The following PRKCB variants were observed in gnomAD, a reference collection of about 807,000 sequenced individuals.
PRKCB encodes the protein protein kinase C beta, also known as protein kinase C beta type.
A neutral mutation model predicts 81.5 loss-of-function variants in PRKCB; 13 were observed. The ratio of observed to expected loss-of-function variants is 0.16; its 90% CI spans 0.10 to 0.25. The LOEUF (loss-of-function observed/expected upper bound fraction) is 0.25. Ranked by LOEUF, PRKCB falls within the 10% of genes least tolerant of loss-of-function variation. The pLI is 1.00. For missense variants in PRKCB, 509 were observed against 875.7 expected (o/e 0.58, Z 5.29); for synonymous variants, 335 against 321.4 (o/e 1.04, Z -0.45).
At position 24,025,507 on chromosome 16, in the gene PRKCB, T is replaced by A. The variant is rs1368487257; in HGVS notation, c.289-6629T>A. Among the ~76,000 whole-genome samples, 10 of 152,376 alleles carry A rather than the reference T, an allele frequency of 6.6e-5. No individual in the cohort carries two copies. In the East Asian group the frequency reaches 1.7e-3, roughly 26 times the overall value. On this transcript the variant is annotated intron_variant, in intron 3 of 16. Transcript: ENST00000643927. ...TATTGAGCATCTTCTGTATGCCAAG[T>A]ACAGTTTATGCCCTGAGAGTATAAT...
At chr16:24,015,331 T>C (rs1178595892) in intron 3 of PRKCB, among the ~76,000 whole-genome samples, 1 of 152,248 alleles carries the variant, frequency 6.6e-6, no homozygotes, top group Non-Finnish European at 1.5e-5. Context: ...GCTGCACGAC[T>C]GGAAATTACC....
chr16:23,992,469 A>G (rs751639895), intron 3 of PRKCB, among the ~76,000 whole-genome samples: 2 of 152,234 alleles, frequency 1.3e-5, no homozygotes, highest in Non-Finnish European at 2.9e-5. Flanking sequence ...CTCCTAATCA[A>G]CCATTTATAA....
intron 2 of PRKCB, among the ~76,000 whole-genome samples, chr16:23,908,076 G>T (rs1259723563): frequency 6.6e-6 from 1 of 152,160 alleles, no homozygotes; most frequent in Non-Finnish European, 1.5e-5. Context: ...GACGAGGGAG[G>T]TGTGGGAGTG....
At chr16:23,921,533 G>A (rs1963825052) in intron 2 of PRKCB, among the ~76,000 whole-genome samples, 1 of 152,158 alleles carries the variant, frequency 6.6e-6, no homozygotes, top group African/African-American at 2.4e-5. Flanking sequence ...CAGGCAAGAT[G>A]GCTCACGTCT....
chr16:23,999,869 T>C (rs1332476383), intron 3 of PRKCB, among the ~76,000 whole-genome samples: 4 of 152,278 alleles, frequency 2.6e-5, no homozygotes, highest in East Asian at 1.9e-4. Context: ...GGATAGCTGG[T>C]TGGTTGGCTG....
intron 13 of PRKCB, among the ~76,000 whole-genome samples, chr16:24,182,903 T>TGTGTGTGTGTGTGTGTG (rs1311568875): frequency 5.4e-4 from 19 of 35,164 alleles, no homozygotes; most frequent in South Asian, 2.2e-3. Context: ...GTGTGTGTGT[T>TGTGTGTGTGTGTGTGTG]TGAGACAGGG....
chr16:24,089,850 T>C (rs1966356164), intron 5 of PRKCB, among the ~76,000 whole-genome samples: 1 of 152,026 alleles, frequency 6.6e-6, no homozygotes, highest in Non-Finnish European at 1.5e-5. Context: ...ATAAGAATAA[T>C]AATGAAATAG....
intron 2 of PRKCB, among the ~76,000 whole-genome samples, chr16:23,862,801 A>G (rs1319063563): frequency 6.6e-6 from 1 of 152,006 alleles, no homozygotes; most frequent in African/African-American, 2.4e-5. Flanking sequence ...GGAAAATAAG[A>G]CCGGGACTTG....
At chr16:23,919,769 C>G (rs1046911675) in intron 2 of PRKCB, among the ~76,000 whole-genome samples, 6 of 152,312 alleles carry the variant, frequency 3.9e-5, no homozygotes, top group African/African-American at 1.4e-4. Context: ...TATTTGTCAT[C>G]TTAAGATTTC....
At chr16:24,186,521 TG>T in intron 15 of PRKCB, among the ~76,000 whole-genome samples, 1 of 152,346 alleles carries the variant, frequency 6.6e-6, no homozygotes, top group East Asian at 1.9e-4. Context: ...CTCCACCCAG[TG>T]GTACAGGTTA....
intron 9 of PRKCB, among the ~76,000 whole-genome samples, chr16:24,139,317 G>A (rs1028498299): frequency 6.6e-6 from 1 of 152,118 alleles, no homozygotes; most frequent in Admixed American, 6.5e-5. Context: ...ACAATTAGAC[G>A]ACACAGCCCA....
At chr16:23,852,353 TC>T (rs1445436989) in intron 2 of PRKCB, among the ~76,000 whole-genome samples, 2 of 152,246 alleles carry the variant, frequency 1.3e-5, no homozygotes, top group Non-Finnish European at 2.9e-5. Flanking sequence ...TGCTTTTTTT[TC>T]CTGCATCTAT....
chr16:24,200,858 G>A (rs1182316590), intron 16 of PRKCB, among the ~76,000 whole-genome samples: 1 of 152,082 alleles, frequency 6.6e-6, no homozygotes, highest in Non-Finnish European at 1.5e-5. Context: ...CTTTGGCGGG[G>A]CAAGTCAACC....
Position 24,080,710 on chromosome 16 carries a change from TAACA to T in PRKCB, c.530-12073_530-12070del, listed in dbSNP as rs1185159044. On this transcript the variant is annotated intron_variant, in intron 5 of 16. Coordinates refer to ENST00000643927, the MANE Select transcript of PRKCB (RefSeq NM_002738.7). ...AGAGCCCCTGGAAAAATACGGAAAC[TAACA>T]AACAAACTTCCGAATAATCCATGGT... Among the ~76,000 whole-genome samples the T allele has an allele frequency of 5.3e-5, 8 of 151,996 alleles. 1 individual carries two copies. Among genetic ancestry groups the T allele is most frequent in the Admixed American group, 4.6e-4 (7 of 15,284 alleles).
chr16:23,856,415 C>T (rs903959081), intron 2 of PRKCB, among the ~76,000 whole-genome samples: 2 of 152,138 alleles, frequency 1.3e-5, no homozygotes, highest in African/African-American at 4.8e-5. Context: ...TGGGTCATCA[C>T]TCATTAGAAG....
chr16:24,157,958 G>A lies in PRKCB; in HGVS notation c.1239+3101G>A, dbSNP rs370278121. ...TAATGAGAATGGACTAATACACATG[G>A]GAATGAAGGCCTTCCCATGTGGAGA... On this transcript the variant is annotated intron_variant, in intron 10 of 16. Transcript: ENST00000643927. 2.1e-3 allele frequency among the ~76,000 whole-genome samples: 313 copies of A among 152,294 alleles called. 1 individual carries two copies. The highest frequency in any genetic ancestry group is 7.3e-3 in the African/African-American group (302 of 41,566).
chr16:24,059,591 C>A (rs1286794975), intron 5 of PRKCB, among the ~76,000 whole-genome samples: 1 of 151,868 alleles, frequency 6.6e-6, no homozygotes, highest in Non-Finnish European at 1.5e-5. Context: ...CCCTTGAGCC[C>A]AGAAGTTTGA....
chr16:23,950,051 C>T (rs1278107110), intron 2 of PRKCB, among the ~76,000 whole-genome samples: 1 of 151,830 alleles, frequency 6.6e-6, no homozygotes, highest in Admixed American at 6.6e-5. Flanking sequence ...GAAGGAGCCT[C>T]GCCGTGGGGC....
At chr16:24,116,681 C>T (rs1476107318) in intron 8 of PRKCB, among the ~76,000 whole-genome samples, 3 of 152,244 alleles carry the variant, frequency 2.0e-5, no homozygotes, top group African/African-American at 7.2e-5. Flanking sequence ...AAACTGGATA[C>T]TGTTTGATAA....
Sources: allele counts gnomAD v4.1 joint callset (sites outside exome capture counted in the v4.1 genomes callset), GRCh38; gene constraint gnomAD v4.1.1; transcripts MANE v1.5; gene names NCBI Gene and HGNC (gene_info 2026-07-23, HGNC 2026-07-21).